The following XRN2 variants were observed in gnomAD, a reference collection of about 807,000 sequenced individuals.
The protein encoded by XRN2 is 5'-3' exoribonuclease 2.
XRN2 carries 44 observed loss-of-function variants against 138.5 expected under a neutral mutation model. That is an observed-to-expected ratio of 0.32 (90% CI 0.25 to 0.41). XRN2 has a LOEUF of 0.41. Among genes scored for constraint, XRN2 ranks in the 10% least tolerant of loss-of-function variants. The pLI is 1.00. For synonymous variants in XRN2, 354 were observed against 369.4 expected (o/e 0.96, Z 0.48); for missense variants, 937 against 1,169.3 (o/e 0.80, Z 2.90).
At chr20:21,362,626 A>T (rs1321418496) in intron 24 of XRN2, among the ~76,000 whole-genome samples, 2 of 152,076 alleles carry the variant, frequency 1.3e-5, no homozygotes, top group Non-Finnish European at 2.9e-5. Flanking sequence ...GTCCTCATTG[A>T]CTACTTGCAA....
At chr20:21,363,506 C>A (rs148767337) in intron 24 of XRN2, among the ~76,000 whole-genome samples, 1 of 152,312 alleles carries the variant, frequency 6.6e-6, no homozygotes, top group African/African-American at 2.4e-5. Context: ...CCTTGCCCTG[C>A]CCCATGCCAT....
intron 20 of XRN2, among the ~76,000 whole-genome samples, chr20:21,353,052 A>G (rs1192716850): frequency 6.6e-6 from 1 of 151,306 alleles, no homozygotes; most frequent in East Asian, 1.9e-4. Flanking sequence ...GTTGAGTAGC[A>G]CTTCACATTG....
Position 21,306,825 on chromosome 20 carries a change from T to C in XRN2, c.75+3352T>C, listed in dbSNP as rs886143023. 3.2e-4 allele frequency among the ~76,000 whole-genome samples: 24 copies of C among 74,924 alleles called. 6 individuals are homozygous for C. Among genetic ancestry groups the C allele is most frequent in the African/African-American group, 8.8e-4 (24 of 27,370 alleles). The allele number at this position is 74,924 out of a possible 152,430, so 49.2% of individuals were successfully genotyped here. A position where few individuals can be genotyped will look rare whatever the true frequency, so the allele number is the denominator to read the frequency against. Reference sequence around the variant, plus strand: ...GAGATCCAGACCATCCTGGCTAACATGGTGAAACCCCATCTCTACTAAAAA... The same window carrying C: ...GAGATCCAGACCATCCTGGCTAACACGGTGAAACCCCATCTCTACTAAAAA... On this transcript the variant is annotated intron_variant, in intron 1 of 29. Transcript: ENST00000377191.
intron 27 of XRN2, among the ~76,000 whole-genome samples, chr20:21,369,221 C>A (rs1346440244): frequency 1.3e-5 from 2 of 152,178 alleles, no homozygotes; most frequent in African/African-American, 4.8e-5. Flanking sequence ...CGTTTCCATC[C>A]ACATTGTTAC....
chr20:21,385,492 C>T (rs901101177), intron 28 of XRN2, among the ~76,000 whole-genome samples: 11 of 152,180 alleles, frequency 7.2e-5, no homozygotes, highest in Admixed American at 1.3e-4. Flanking sequence ...CATTTTCTTT[C>T]TGAGATAAAA....
chr20:21,389,265 A>G lies in XRN2; in HGVS notation c.2788-8A>G, dbSNP rs780204820. 2.5e-6 allele frequency: 4 copies of G among 1,611,242 alleles called. No individual in the cohort carries two copies. In the African/African-American group the frequency reaches 5.4e-5, roughly 22 times the overall value. On this transcript the variant is annotated splice_polypyrimidine_tract_variant and splice_region_variant and intron_variant, in intron 29 of 29. Transcript: ENST00000377191. ...AGAAAATAAACTCTTTCTTTTGTTT[A>G]TTTTCAGGGATATCCCAGAGAAGGA...
intron 4 of XRN2, among the ~76,000 whole-genome samples, chr20:21,329,950 C>G (rs1003854964): frequency 1.3e-5 from 2 of 149,858 alleles, no homozygotes; most frequent in Non-Finnish European, 3.0e-5. Flanking sequence ...AATATAATAT[C>G]TTTTGTGTAC....
intron 1 of XRN2, among the ~76,000 whole-genome samples, chr20:21,316,661 A>G (rs1462646176): frequency 6.6e-6 from 1 of 152,226 alleles, no homozygotes; most frequent in Non-Finnish European, 1.5e-5. Context: ...TCCTTGTCCC[A>G]GTACCGCACT....
chr20:21,325,672 A>T (rs192767455), intron 1 of XRN2, among the ~76,000 whole-genome samples: 43 of 152,348 alleles, frequency 2.8e-4, no homozygotes, highest in Non-Finnish European at 5.6e-4. Context: ...CTTCAACAAT[A>T]GTATGGCAGG....
chr20:21,307,072 G>A (rs771618387), intron 1 of XRN2, among the ~76,000 whole-genome samples: 1 of 76,770 alleles, frequency 1.3e-5, no homozygotes, highest in Non-Finnish European at 3.1e-5. Context: ...CAGCAGGGTC[G>A]CGTATCATAC....
In XRN2 at chr20:21,326,394, ATC is replaced by A; in HGVS notation, c.192_193del (p.Pro65Ter). 1 of 1,613,804 alleles carries A rather than the reference ATC, an allele frequency of 6.2e-7. No individual in the cohort carries two copies. The highest frequency in any genetic ancestry group is 1.7e-5 in the Admixed American group (1 of 60,018). ...AATGGAATCATCCATCCCTGTACTC[ATC>A]CTGAAGACAAGTACGTAACCCATTT... On this transcript the variant is annotated frameshift_variant, in exon 2 of 30. Coordinates refer to ENST00000377191, the MANE Select transcript of XRN2 (RefSeq NM_012255.5). LOFTEE classifies it high-confidence loss of function.
intron 27 of XRN2, among the ~76,000 whole-genome samples, chr20:21,369,275 A>G (rs1431734801): frequency 1.3e-5 from 2 of 152,194 alleles, no homozygotes; most frequent in African/African-American, 4.8e-5. Context: ...ACAGTACTCC[A>G]TTGTGTATAT....
At chr20:21,316,297 G>T (rs1600672782) in intron 1 of XRN2, among the ~76,000 whole-genome samples, 1 of 152,204 alleles carries the variant, frequency 6.6e-6, no homozygotes, top group Non-Finnish European at 1.5e-5. Flanking sequence ...TGATGATGAA[G>T]TGCAGTTCAT....
At chr20:21,371,312 T>C (rs1236032004) in intron 27 of XRN2, among the ~76,000 whole-genome samples, 1 of 152,146 alleles carries the variant, frequency 6.6e-6, no homozygotes, top group Non-Finnish European at 1.5e-5. Flanking sequence ...GTGTATTCAC[T>C]CTCTGTCTCT....
At chr20:21,322,158 C>T (rs1451042515) in intron 1 of XRN2, among the ~76,000 whole-genome samples, 2 of 152,118 alleles carry the variant, frequency 1.3e-5, no homozygotes, top group Non-Finnish European at 2.9e-5. Flanking sequence ...ATGGAATAAT[C>T]CATGAGTAAA....
intron 27 of XRN2, among the ~76,000 whole-genome samples, chr20:21,381,558 A>T (rs527341217): frequency 6.6e-6 from 1 of 152,366 alleles, no homozygotes; most frequent in South Asian, 2.1e-4. Context: ...TTATGCCTTC[A>T]GAAGGAAAAT....
At chr20:21,356,529 CT>C (rs1225581988) in intron 22 of XRN2, 56 bp from the exon 23 acceptor site, 1 of 1,516,636 alleles carries the variant, frequency 6.6e-7, no homozygotes, top group Non-Finnish European at 9.1e-7. Context: ...CAAGAATCTG[CT>C]TGAGTCCCAG....
At chr20:21,388,717 T>G (rs1479175019) in intron 29 of XRN2, among the ~76,000 whole-genome samples, 1 of 152,236 alleles carries the variant, frequency 6.6e-6, no homozygotes, top group Admixed American at 6.5e-5. Flanking sequence ...AAATGTTATT[T>G]GCAAACATAC....
At chr20:21,353,810 A>AC (rs398035508) in intron 20 of XRN2, among the ~76,000 whole-genome samples, 11 of 150,652 alleles carry the variant, frequency 7.3e-5, no homozygotes, top group South Asian at 2.1e-4. Context: ...AAAAAAAAAA[A>AC]CAACTGTTAC....
Sources: allele counts gnomAD v4.1 joint callset (sites outside exome capture counted in the v4.1 genomes callset), GRCh38; gene constraint gnomAD v4.1.1; transcripts MANE v1.5; gene names NCBI Gene and HGNC (gene_info 2026-07-23, HGNC 2026-07-21).